The following AMBRA1 variants were observed in gnomAD, a reference collection of about 807,000 sequenced individuals.
AMBRA1 encodes the protein autophagy and beclin 1 regulator 1.
AMBRA1 carries 47 observed loss-of-function variants against 125.4 expected under a neutral mutation model. That is an observed-to-expected ratio of 0.37 (90% CI 0.30 to 0.48). AMBRA1 has a LOEUF of 0.48. Ranked by LOEUF, AMBRA1 falls within the 20% of genes least tolerant of loss-of-function variation. The pLI, the probability that AMBRA1 is intolerant of heterozygous loss-of-function variation, is 0.99. For missense variants in AMBRA1, 1,331 were observed against 1,693.4 expected (o/e 0.79, Z 3.76); for synonymous variants, 626 against 655.5 (o/e 0.95, Z 0.69).
intron 7 of AMBRA1, among the ~76,000 whole-genome samples, chr11:46,531,801 A>G (rs1952228244): frequency 2.0e-5 from 3 of 151,714 alleles, no homozygotes; most frequent in African/African-American, 4.8e-5. Flanking sequence ...ACCACCCCCA[A>G]TGACGAATAC....
At chr11:46,399,097 G>C (rs1231629301) in intron 17 of AMBRA1, among the ~76,000 whole-genome samples, 2 of 151,386 alleles carry the variant, frequency 1.3e-5, no homozygotes, top group African/African-American at 2.4e-5. Context: ...TTTTTGAAAT[G>C]GAGTTTTGTT....
chr11:46,570,261 CAAAAAA>C (rs200875374), intron 1 of AMBRA1, among the ~76,000 whole-genome samples: 2 of 14,260 alleles, frequency 1.4e-4, no homozygotes, highest in Non-Finnish European at 2.8e-4. Flanking sequence ...GACCATGTCT[CAAAAAA>C]AAAAAAAAAA....
At chr11:46,507,345 G>A (rs1951081512) in intron 9 of AMBRA1, among the ~76,000 whole-genome samples, 1 of 151,688 alleles carries the variant, frequency 6.6e-6, no homozygotes, top group African/African-American at 2.4e-5. Flanking sequence ...CAGGCGCGGT[G>A]GCGGGCGCCT....
chr11:46,568,867 C>T (rs192235356), intron 1 of AMBRA1, among the ~76,000 whole-genome samples: 10 of 133,256 alleles, frequency 7.5e-5, no homozygotes, highest in African/African-American at 2.0e-4. Flanking sequence ...AGAGCAGTGG[C>T]GCCATCTCAG....
At chr11:46,410,665 A>G (rs1946242241) in intron 15 of AMBRA1, among the ~76,000 whole-genome samples, 1 of 152,240 alleles carries the variant, frequency 6.6e-6, no homozygotes, top group African/African-American at 2.4e-5. Context: ...AAATAGCAAC[A>G]ACAGATACAG....
intron 9 of AMBRA1, among the ~76,000 whole-genome samples, chr11:46,499,748 CTG>C (rs1950765006): frequency 6.6e-6 from 1 of 152,086 alleles, no homozygotes; most frequent in African/African-American, 2.4e-5. Context: ...CCTCCGCCTC[CTG>C]TGTTCAAGCA....
intron 1 of AMBRA1, among the ~76,000 whole-genome samples, chr11:46,554,293 G>A (rs553861035): frequency 6.0e-4 from 92 of 152,088 alleles, no homozygotes; most frequent in African/African-American, 2.0e-3. Flanking sequence ...AAAAAAAACC[G>A]ACCTTCCGAC....
At chr11:46,447,953 C>T (rs1184464030) in intron 11 of AMBRA1, among the ~76,000 whole-genome samples, 1 of 152,048 alleles carries the variant, frequency 6.6e-6, no homozygotes, top group African/African-American at 2.4e-5. Flanking sequence ...TAATAAATGG[C>T]CTTTAAAGTT....
intron 9 of AMBRA1, among the ~76,000 whole-genome samples, chr11:46,499,821 A>T (rs1488169553): frequency 6.6e-6 from 1 of 152,032 alleles, no homozygotes; most frequent in Non-Finnish European, 1.5e-5. Context: ...ACGCCCAGCT[A>T]ATTTTTATAT....
intron 1 of AMBRA1, among the ~76,000 whole-genome samples, chr11:46,584,275 A>T (rs1372414169): frequency 2.7e-5 from 4 of 148,298 alleles, no homozygotes; most frequent in African/African-American, 7.5e-5. Flanking sequence ...TCACAAGGAC[A>T]AAAAACCAAA....
At chr11:46,405,719 CTATCTT>C (rs1453299130) in intron 17 of AMBRA1, among the ~76,000 whole-genome samples, 3 of 151,932 alleles carry the variant, frequency 2.0e-5, no homozygotes, top group Non-Finnish European at 2.9e-5. Flanking sequence ...GAGTGAGACT[CTATCTT>C]TATTTCATTT....
rs563024608 is a variant in AMBRA1, at chr11:46,414,310, C to T, written c.3116+3603G>A. Among the ~76,000 whole-genome samples, 8 of 152,294 alleles carry T rather than the reference C, an allele frequency of 5.3e-5. No homozygotes were observed. The South Asian group carries it at 1.7e-3, about 32-fold the overall frequency. ...AGCCTCGCCTGAAAGATGTGGTTTC[C>T]GTGGCAATTTTGGCTCCCTTTTGAT... On this transcript the variant is annotated intron_variant, in intron 15 of 17. Coordinates refer to ENST00000683756, the MANE Select transcript of AMBRA1 (RefSeq NM_001387011.1).
intron 11 of AMBRA1, among the ~76,000 whole-genome samples, chr11:46,444,441 G>T (rs948506289): frequency 6.6e-6 from 1 of 152,102 alleles, no homozygotes; most frequent in African/African-American, 2.4e-5. Flanking sequence ...TCATTTACAT[G>T]AACATGTCAT....
intron 7 of AMBRA1, among the ~76,000 whole-genome samples, chr11:46,536,163 T>A (rs186550404): frequency 6.6e-6 from 1 of 152,362 alleles, no homozygotes; most frequent in Admixed American, 6.5e-5. Context: ...ATAAGGAACA[T>A]AATTTCAATT....
At chr11:46,560,653 C>G (rs1051044290) in intron 1 of AMBRA1, among the ~76,000 whole-genome samples, 3 of 152,082 alleles carry the variant, frequency 2.0e-5, no homozygotes, top group Non-Finnish European at 2.9e-5. Context: ...ACAAGAACTC[C>G]TAAAAACGGA....
chr11:46,591,879 C>T (rs1435913586), intron 1 of AMBRA1, among the ~76,000 whole-genome samples: 1 of 151,310 alleles, frequency 6.6e-6, no homozygotes, highest in African/African-American at 2.4e-5. Flanking sequence ...CACAAAAAAA[C>T]GCTCTCTTAC....
At chr11:46,497,376 ATG>A (rs1950673703) in intron 9 of AMBRA1, among the ~76,000 whole-genome samples, 1 of 152,160 alleles carries the variant, frequency 6.6e-6, no homozygotes, top group Non-Finnish European at 1.5e-5. Flanking sequence ...AAGAGGCAAC[ATG>A]TTAAGTAAGG....
At chr11:46,554,219 A>T (rs2043100597) in intron 1 of AMBRA1, among the ~76,000 whole-genome samples, 1 of 152,208 alleles carries the variant, frequency 6.6e-6, no homozygotes. Context: ...ATACACTTAA[A>T]CCATTTATAA....
At chr11:46,492,134 A>T (rs763242762) in intron 11 of AMBRA1, among the ~76,000 whole-genome samples, 1 of 152,246 alleles carries the variant, frequency 6.6e-6, no homozygotes, top group Non-Finnish European at 1.5e-5. Flanking sequence ...GGACCACAGC[A>T]TCTGTTTTAC....
Sources: gnomAD v4.1 joint callset for allele counts (sites outside exome capture counted in the v4.1 genomes callset) on GRCh38, gnomAD v4.1.1 for gene constraint, MANE v1.5 for transcripts, NCBI Gene and HGNC (gene_info 2026-07-23, HGNC 2026-07-21) for gene names.